The following VWA8 variants were observed in gnomAD, a reference collection of about 807,000 sequenced individuals.
VWA8 encodes von Willebrand factor A domain containing 8.
A neutral mutation model predicts 241.5 loss-of-function variants in VWA8; 221 were observed. That is an observed-to-expected ratio of 0.91 (90% CI 0.82 to 1.02). VWA8 has a LOEUF of 1.02. VWA8 is among the 50% of genes least tolerant of loss of function. The probability of loss-of-function intolerance (pLI) is 0.00; values close to 1 mark genes in which losing one functional copy is unlikely to be tolerated. For missense variants in VWA8, 2,322 were observed against 2,328.7 expected (o/e 1.00, Z 0.06); for synonymous variants, 852 against 827.1 (o/e 1.03, Z -0.52).
In VWA8 at chr13:41,907,632, T is replaced by C; in HGVS notation, c.437A>G (p.Lys146Arg). ...LSRDTTETDL[K>R]QRREIRAGTA... ...GCCTGCACGGATCTCTCGTCGCTGTTTGAGATCAGTTTCAGTGGTGTCCCT... is the reference window on the plus strand; with the variant it reads ...GCCTGCACGGATCTCTCGTCGCTGTCTGAGATCAGTTTCAGTGGTGTCCCT... The change falls in exon 4 of 45, where the codon AAA becomes AGA. Residue 146 changes from lysine (K) to arginine (R), a missense_variant. Transcript: ENST00000379310. 1.2e-6 allele frequency: 2 copies of C among 1,614,166 alleles called. No homozygotes were observed. Among genetic ancestry groups the C allele is most frequent in the South Asian group, 1.1e-5 (1 of 91,078 alleles).
Position 41,567,293 on chromosome 13 carries a change from C to T in VWA8, c.*904G>A, listed in dbSNP as rs927425483. 6.6e-6 allele frequency: 1 copy of T among 152,214 alleles called. No individual in the cohort carries two copies. Among genetic ancestry groups the T allele is most frequent in the African/African-American group, 2.4e-5 (1 of 41,452 alleles). 9.4% of individuals were successfully genotyped at this position (152,214 alleles called of 1,614,324 possible). A position where few individuals can be genotyped will look rare whatever the true frequency, so the allele number is the denominator to read the frequency against. ...AAAAATTTCCAATCACCATTCACTT[C>T]AAATATACCACCTTGATTTTACTTT... On this transcript the variant is annotated 3_prime_UTR_variant, in exon 45 of 45. Transcript: ENST00000379310.
At chr13:41,660,408 G>A (rs1169098744) in intron 37 of VWA8, among the ~76,000 whole-genome samples, 1 of 152,158 alleles carries the variant, frequency 6.6e-6, no homozygotes, top group South Asian at 2.1e-4. Flanking sequence ...GAGCCACCGT[G>A]CCTGGCCAGA....
At chr13:41,731,180 C>T (rs1174424765) in intron 22 of VWA8, among the ~76,000 whole-genome samples, 6 of 151,788 alleles carry the variant, frequency 4.0e-5, no homozygotes, top group Non-Finnish European at 8.8e-5. Context: ...AGCAGGAGAT[C>T]CTAAAGACTC....
intron 38 of VWA8, among the ~76,000 whole-genome samples, chr13:41,614,586 C>T (rs2044609457): frequency 6.6e-6 from 1 of 152,194 alleles, no homozygotes. Flanking sequence ...ATCCCAAGGT[C>T]ATGGAATTTA....
At chr13:41,853,374 G>C (rs879318940) in intron 12 of VWA8, among the ~76,000 whole-genome samples, 2 of 151,972 alleles carry the variant, frequency 1.3e-5, no homozygotes, top group Non-Finnish European at 2.9e-5. Flanking sequence ...TTGGTATCAG[G>C]GTAATAATGG....
intron 37 of VWA8, among the ~76,000 whole-genome samples, chr13:41,639,636 A>G (rs1173999658): frequency 6.6e-6 from 1 of 152,226 alleles, no homozygotes; most frequent in East Asian, 1.9e-4. Flanking sequence ...TATCTGATTT[A>G]TACAAATTGG....
chr13:41,678,370 A>T (rs897202611), intron 35 of VWA8, among the ~76,000 whole-genome samples: 80 of 152,364 alleles, frequency 5.3e-4, no homozygotes, highest in African/African-American at 1.7e-3. Context: ...CACAGTCTGC[A>T]TTGGAAATTC....
chr13:41,581,829 T>C (rs1345918852), intron 42 of VWA8, among the ~76,000 whole-genome samples: 3 of 152,184 alleles, frequency 2.0e-5, no homozygotes, highest in Admixed American at 1.3e-4. Flanking sequence ...AATTAAGCCA[T>C]TAAGAGCCTT....
intron 5 of VWA8, 120 bp from the exon 6 acceptor site, chr13:41,887,481 C>A: frequency 9.0e-7 from 1 of 1,105,172 alleles, no homozygotes; most frequent in Non-Finnish European, 1.3e-6. Context: ...AGAACACTCT[C>A]AAATCCATAC....
chr13:41,630,196 G>A (rs562858784), intron 37 of VWA8, among the ~76,000 whole-genome samples: 1 of 152,248 alleles, frequency 6.6e-6, no homozygotes, highest in African/African-American at 2.4e-5. Flanking sequence ...AGGTGAGAAG[G>A]AGAATGAATG....
intron 37 of VWA8, among the ~76,000 whole-genome samples, 183 bp downstream of exon 37, chr13:41,670,763 C>A (rs1044899752): frequency 6.6e-6 from 1 of 152,140 alleles, no homozygotes; most frequent in Non-Finnish European, 1.5e-5. Flanking sequence ...CACATTTTTA[C>A]TTTTTCATCA....
intron 21 of VWA8, among the ~76,000 whole-genome samples, chr13:41,732,688 AT>A (rs2045494440): frequency 6.6e-6 from 1 of 152,066 alleles, no homozygotes; most frequent in Non-Finnish European, 1.5e-5. Flanking sequence ...ACTTTATGGG[AT>A]TTTGAACATT....
chr13:41,919,219 C>A (rs1030255939), intron 2 of VWA8, among the ~76,000 whole-genome samples: 1 of 152,084 alleles, frequency 6.6e-6, no homozygotes, highest in Non-Finnish European at 1.5e-5. Context: ...GATCTCAGCC[C>A]CTATTTGGGG....
intron 1 of VWA8, among the ~76,000 whole-genome samples, chr13:41,958,662 A>G (rs903292063): frequency 6.6e-6 from 1 of 152,200 alleles, no homozygotes; most frequent in Non-Finnish European, 1.5e-5. Context: ...TGTGCTGTCC[A>G]TTTACCTGGC....
chr13:41,909,643 A>T (rs1875900083), intron 3 of VWA8, among the ~76,000 whole-genome samples: 1 of 152,170 alleles, frequency 6.6e-6, no homozygotes, highest in African/African-American at 2.4e-5. Context: ...TATGCCTCTT[A>T]TTGTTAAACT....
chr13:41,574,967 G>A (rs775979944), intron 43 of VWA8, among the ~76,000 whole-genome samples: 4 of 152,100 alleles, frequency 2.6e-5, no homozygotes, highest in Admixed American at 2.0e-4. Flanking sequence ...ATGCACACAC[G>A]TTTATAGAAG....
At chr13:41,611,337 T>C (rs1202253240) in intron 39 of VWA8, among the ~76,000 whole-genome samples, 4 of 152,204 alleles carry the variant, frequency 2.6e-5, no homozygotes, top group Non-Finnish European at 4.4e-5. Flanking sequence ...TAGGAACAGA[T>C]AGACATGGAT....
intron 21 of VWA8, among the ~76,000 whole-genome samples, chr13:41,759,764 A>G (rs2045726411): frequency 6.6e-6 from 1 of 151,428 alleles, no homozygotes; most frequent in Admixed American, 6.6e-5. Flanking sequence ...GTCATTTCCT[A>G]TTGAATGCTT....
At chr13:41,833,778 T>G (rs1871592981) in intron 12 of VWA8, among the ~76,000 whole-genome samples, 1 of 152,168 alleles carries the variant, frequency 6.6e-6, no homozygotes, top group South Asian at 2.1e-4. Flanking sequence ...TTTCCCTACT[T>G]TATATTTAGC....
Sources: gnomAD v4.1 joint callset for allele counts (sites outside exome capture counted in the v4.1 genomes callset) on GRCh38, gnomAD v4.1.1 for gene constraint, MANE v1.5 for transcripts, NCBI Gene and HGNC (gene_info 2026-07-23, HGNC 2026-07-21) for gene names.